CADM2: variants seen among roughly 807,000 people sequenced by gnomAD.
CADM2 encodes the protein cell adhesion molecule 2.
In CADM2, 12 loss-of-function variants were observed where a neutral mutation model predicts 49.8. That is an observed-to-expected ratio of 0.24 (90% CI 0.15 to 0.39). The LOEUF (loss-of-function observed/expected upper bound fraction) is 0.39, where lower values mean the gene tolerates loss of function less well. CADM2 is among the 10% of genes least tolerant of loss of function. CADM2 has a pLI of 1.00. For synonymous variants in CADM2, 214 were observed against 175.4 expected (o/e 1.22, Z -1.74); for missense variants, 378 against 492.3 (o/e 0.77, Z 2.20).
At chr3:85,253,823 G>T (rs2042828452) in intron 1 of CADM2, among the ~76,000 whole-genome samples, 1 of 152,022 alleles carries the variant, frequency 6.6e-6, no homozygotes, top group Admixed American at 6.6e-5. Flanking sequence ...AATTTGAGGG[G>T]AATTTAATAA....
intron 1 of CADM2, among the ~76,000 whole-genome samples, chr3:85,053,778 C>A (rs1230695899): frequency 6.6e-6 from 1 of 151,878 alleles, no homozygotes; most frequent in Non-Finnish European, 1.5e-5. Flanking sequence ...CACTGAAGTT[C>A]TCTGACTATG....
chr3:85,441,039 T>C (rs1019989666), intron 1 of CADM2, among the ~76,000 whole-genome samples: 18 of 152,094 alleles, frequency 1.2e-4, no homozygotes, highest in Non-Finnish European at 5.9e-5. Flanking sequence ...ATCTTTATAA[T>C]ACCAATATTT....
Position 85,806,368 on chromosome 3 carries a change from G to T in CADM2, c.238+4172G>T, listed in dbSNP as rs774093051. ...CATTACTACTGCTACTATGAGCTCC[G>T]AGAGGCATCCCGTAGCATTTCATGC... On this transcript the variant is annotated intron_variant, in intron 3 of 9. Transcript: ENST00000383699. Among the ~76,000 whole-genome samples the T allele has an allele frequency of 2.0e-5, 3 of 152,150 alleles. No homozygotes were observed. The South Asian group carries it at 6.2e-4, about 31-fold the overall frequency.
chr3:85,297,036 G>A (rs1314550450), intron 1 of CADM2, among the ~76,000 whole-genome samples: 2 of 152,066 alleles, frequency 1.3e-5, no homozygotes, highest in Admixed American at 1.3e-4. Flanking sequence ...GGATGCTGCA[G>A]TGATTTAGGG....
chr3:86,013,131 G>C, intron 8 of CADM2: 1 of 1,337,604 alleles, frequency 7.5e-7, no homozygotes. Flanking sequence ...AACAAACCAC[G>C]TAAGTAGACA....
At chr3:85,732,647 A>C (rs1333505477) in intron 2 of CADM2, among the ~76,000 whole-genome samples, 2 of 152,194 alleles carry the variant, frequency 1.3e-5, no homozygotes, top group Non-Finnish European at 2.9e-5. Context: ...AGTAAGTAAC[A>C]ATGATAATTA....
intron 1 of CADM2, among the ~76,000 whole-genome samples, chr3:85,225,638 T>C (rs963892974): frequency 4.6e-5 from 7 of 152,220 alleles, no homozygotes; most frequent in African/African-American, 1.7e-4. Context: ...CAATACTATA[T>C]TCAATAGGAA....
At chr3:85,025,282 T>C (rs1436286224) in intron 1 of CADM2, among the ~76,000 whole-genome samples, 3 of 152,138 alleles carry the variant, frequency 2.0e-5, no homozygotes, top group African/African-American at 4.8e-5. Flanking sequence ...TTAAGGTTTT[T>C]GGCAGGTTAT....
At chr3:85,744,551 A>G (rs2068531581) in intron 2 of CADM2, among the ~76,000 whole-genome samples, 1 of 152,098 alleles carries the variant, frequency 6.6e-6, no homozygotes. Flanking sequence ...ATAAATAAAT[A>G]AGTAAATGAA....
At chr3:85,643,357 G>A (rs901673077) in intron 1 of CADM2, among the ~76,000 whole-genome samples, 3 of 152,114 alleles carry the variant, frequency 2.0e-5, no homozygotes, top group Non-Finnish European at 2.9e-5. Context: ...ACAAGTAGAC[G>A]TTAATTATTT....
chr3:86,049,225 T>C (rs1182102499), intron 8 of CADM2, among the ~76,000 whole-genome samples: 1 of 152,036 alleles, frequency 6.6e-6, no homozygotes, highest in Non-Finnish European at 1.5e-5. Flanking sequence ...CACATTGCTA[T>C]ACAGAAAGAC....
intron 1 of CADM2, among the ~76,000 whole-genome samples, chr3:85,295,080 A>T (rs1245059845): frequency 2.6e-5 from 4 of 152,196 alleles, no homozygotes; most frequent in Admixed American, 2.6e-4. Flanking sequence ...CAATGAACTC[A>T]AACAAATTTA....
At chr3:85,210,562 A>G (rs183136457) in intron 1 of CADM2, among the ~76,000 whole-genome samples, 1 of 151,788 alleles carries the variant, frequency 6.6e-6, no homozygotes, top group African/African-American at 2.4e-5. Flanking sequence ...TCTTTTTTGA[A>G]ACAAGGTCTG....
At chr3:85,588,359 T>C (rs1210485903) in intron 1 of CADM2, among the ~76,000 whole-genome samples, 1 of 151,984 alleles carries the variant, frequency 6.6e-6, no homozygotes, top group Non-Finnish European at 1.5e-5. Flanking sequence ...TTTCTGCTAG[T>C]TGATTGGAGG....
At chr3:85,610,304 A>G (rs1024120243) in intron 1 of CADM2, among the ~76,000 whole-genome samples, 17 of 151,968 alleles carry the variant, frequency 1.1e-4, no homozygotes, top group Non-Finnish European at 1.8e-4. Flanking sequence ...CATTGTGAAT[A>G]CCTATGCTTT....
intron 1 of CADM2, among the ~76,000 whole-genome samples, chr3:85,081,046 G>C (rs771506388): frequency 6.6e-6 from 1 of 151,944 alleles, no homozygotes; most frequent in Non-Finnish European, 1.5e-5. Flanking sequence ...TTGTAAATCA[G>C]TAACTGTTAC....
chr3:85,665,851 A>C (rs1438805252), intron 1 of CADM2, among the ~76,000 whole-genome samples: 1 of 151,990 alleles, frequency 6.6e-6, no homozygotes, highest in Non-Finnish European at 1.5e-5. Context: ...AAATCTTATT[A>C]TGGGATCCAG....
chr3:85,623,610 T>G (rs2064037396), intron 1 of CADM2, among the ~76,000 whole-genome samples: 1 of 152,138 alleles, frequency 6.6e-6, no homozygotes, highest in Non-Finnish European at 1.5e-5. Context: ...AGTGTTATAA[T>G]TGGAGATACA....
chr3:85,200,093 A>G (rs2041454080), intron 1 of CADM2, among the ~76,000 whole-genome samples: 1 of 152,086 alleles, frequency 6.6e-6, no homozygotes, highest in Non-Finnish European at 1.5e-5. Flanking sequence ...GTAAAAGTCA[A>G]TGTGGAGTCT....
Sources: gnomAD v4.1 joint callset for allele counts (sites outside exome capture counted in the v4.1 genomes callset) on GRCh38, gnomAD v4.1.1 for gene constraint, MANE v1.5 for transcripts, NCBI Gene and HGNC (gene_info 2026-07-23, HGNC 2026-07-21) for gene names.